The following RAB40C variants were observed in gnomAD, a reference collection of about 807,000 sequenced individuals.
RAB40C encodes ras-related protein Rab-40C.
Under a neutral mutation model 28.1 loss-of-function variants are expected in RAB40C, and 8 were observed. The ratio of observed to expected loss-of-function variants is 0.28; its 90% CI spans 0.17 to 0.51. The LOEUF (loss-of-function observed/expected upper bound fraction) is 0.51, where lower values mean the gene tolerates loss of function less well. RAB40C is among the 20% of genes least tolerant of loss of function. RAB40C has a pLI of 0.97. For synonymous variants in RAB40C, 201 were observed against 171.7 expected (o/e 1.17, Z -1.34); for missense variants, 288 against 405.9 (o/e 0.71, Z 2.50).
intron 1 of RAB40C, among the ~76,000 whole-genome samples, chr16:607,525 C>T (rs1411280640): frequency 1.4e-4 from 20 of 142,466 alleles, no homozygotes; most frequent in East Asian, 4.0e-4. Flanking sequence ...AACGGGGGGC[C>T]GGGCGCGGTG....
chr16:602,877 A>T (rs1215074971), intron 1 of RAB40C, among the ~76,000 whole-genome samples: 3 of 152,224 alleles, frequency 2.0e-5, no homozygotes, highest in African/African-American at 7.2e-5. Flanking sequence ...GCCAGAAATG[A>T]GTCTTAAAGT....
At chr16:613,101 C>G (rs1596408984) in intron 1 of RAB40C, among the ~76,000 whole-genome samples, 1 of 121,430 alleles carries the variant, frequency 8.2e-6, no homozygotes, top group Non-Finnish European at 1.7e-5. Flanking sequence ...CCTGTAGAAT[C>G]AAGAGCAAGG....
At chr16:621,799 T>A (rs1163242824) in intron 3 of RAB40C, among the ~76,000 whole-genome samples, 1 of 152,236 alleles carries the variant, frequency 6.6e-6, no homozygotes, top group Non-Finnish European at 1.5e-5. Context: ...CCAGGAAGGC[T>A]GTGGCCAAGT....
chr16:625,048 G>A, intron 3 of RAB40C: 5 of 1,294,480 alleles, frequency 3.9e-6, no homozygotes, highest in South Asian at 1.2e-5. Context: ...TCTGTCCCAG[G>A]TACTCCCGGG....
At chr16:604,240 T>A (rs1381315088) in intron 1 of RAB40C, among the ~76,000 whole-genome samples, 2 of 49,320 alleles carry the variant, frequency 4.1e-5, no homozygotes, top group African/African-American at 1.4e-4. Context: ...TCTTTTAAAT[T>A]TTTTTTTTTA....
At chr16:626,974 A>G (rs2036851739) in intron 5 of RAB40C, among the ~76,000 whole-genome samples, 1 of 152,122 alleles carries the variant, frequency 6.6e-6, no homozygotes, top group Non-Finnish European at 1.5e-5. Flanking sequence ...GCTCTAGGGA[A>G]TGAGTCAGGA....
chr16:595,664 A>G (rs894710798), intron 1 of RAB40C, among the ~76,000 whole-genome samples: 5 of 146,214 alleles, frequency 3.4e-5, no homozygotes, highest in African/African-American at 5.1e-5. Context: ...GTGCAGTGGC[A>G]CGGTCTCGGC....
Position 614,647 on chromosome 16 carries a change from C to T in RAB40C, c.143-2561C>T, listed in dbSNP as rs971137848. ...GTGAACTGCTAACTCTGCCGTATCCCGATGGTGAACTGCCAAACTTTACCT... is the reference window on the plus strand; with the variant it reads ...GTGAACTGCTAACTCTGCCGTATCCTGATGGTGAACTGCCAAACTTTACCT... On this transcript the variant is annotated intron_variant, in intron 1 of 5. Transcript: ENST00000248139. 9.9e-5 allele frequency among the ~76,000 whole-genome samples: 15 copies of T among 151,252 alleles called. No homozygotes were observed. The East Asian group carries it at 1.4e-3, about 14-fold the overall frequency.
intron 1 of RAB40C, among the ~76,000 whole-genome samples, chr16:614,335 T>G (rs998770241): frequency 1.0e-4 from 10 of 96,162 alleles, no homozygotes; most frequent in Middle Eastern, 5.6e-3. Context: ...AACTGCTAAC[T>G]CTGCCGCATC....
At position 590,442 on chromosome 16, in the gene RAB40C, C is replaced by A; in HGVS notation, c.142+9C>A. On this transcript the variant is annotated intron_variant, in intron 1 of 5. Coordinates refer to ENST00000248139, the MANE Select transcript of RAB40C (RefSeq NM_021168.5). ...GTACGCCTACAGTAACGGTAAGGCCCGGCCCGCGGCGCGCGCTGCTACGCG... is the reference window on the plus strand; with the variant it reads ...GTACGCCTACAGTAACGGTAAGGCCAGGCCCGCGGCGCGCGCTGCTACGCG... The A allele has an allele frequency of 1.3e-6, 2 of 1,568,768 alleles. No individual in the cohort carries two copies. The highest frequency in any genetic ancestry group is 1.8e-5 in the Admixed American group (1 of 54,478).
At chr16:594,267 C>T (rs1033594871) in intron 1 of RAB40C, among the ~76,000 whole-genome samples, 6 of 152,322 alleles carry the variant, frequency 3.9e-5, no homozygotes, top group African/African-American at 9.6e-5. Flanking sequence ...TCTCTCTGCT[C>T]TTTTGGGGTT....
chr16:619,714 A>G (rs1166527923), intron 3 of RAB40C, among the ~76,000 whole-genome samples: 1 of 151,984 alleles, frequency 6.6e-6, no homozygotes, highest in Admixed American at 6.5e-5. Context: ...TTCTTGGGGG[A>G]AGGTTCAGGT....
intron 3 of RAB40C, among the ~76,000 whole-genome samples, chr16:622,809 C>T (rs866161033): frequency 7.2e-5 from 11 of 152,192 alleles, no homozygotes; most frequent in Non-Finnish European, 1.3e-4. Flanking sequence ...TGGCCGAAGT[C>T]GCTAGTTTTT....
intron 3 of RAB40C, among the ~76,000 whole-genome samples, chr16:623,552 A>T (rs1195259625): frequency 6.6e-6 from 1 of 151,280 alleles, no homozygotes; most frequent in African/African-American, 2.4e-5. Flanking sequence ...TACTCAGGAG[A>T]CTGAGGCAGG....
chr16:615,259 C>T (rs1444737104), intron 1 of RAB40C, among the ~76,000 whole-genome samples: 2 of 152,088 alleles, frequency 1.3e-5, no homozygotes, highest in African/African-American at 4.8e-5. Flanking sequence ...GTTGGTCAGG[C>T]AGAAGGACGG....
At chr16:620,328 G>C (rs2036684747) in intron 3 of RAB40C, among the ~76,000 whole-genome samples, 1 of 151,812 alleles carries the variant, frequency 6.6e-6, no homozygotes, top group Admixed American at 6.5e-5. Flanking sequence ...AGGAGGTGGA[G>C]GTTGCAGTGA....
chr16:598,561 CAAAAAAAAAA>C (rs938034632), intron 1 of RAB40C, among the ~76,000 whole-genome samples: 3 of 54,950 alleles, frequency 5.5e-5, no homozygotes, highest in African/African-American at 2.1e-4. Context: ...CTCTGTCTCA[CAAAAAAAAAA>C]AAAAAAAAAG....
intron 1 of RAB40C, among the ~76,000 whole-genome samples, chr16:602,918 A>G (rs1204901573): frequency 6.6e-6 from 1 of 152,198 alleles, no homozygotes; most frequent in Admixed American, 6.5e-5. Flanking sequence ...AGCCACACTA[A>G]GCTGGATTTG....
At chr16:624,508 A>G (rs2036785533) in intron 3 of RAB40C, 2 of 985,366 alleles carry the variant, frequency 2.0e-6, no homozygotes, top group South Asian at 4.7e-5. Context: ...TGTTCTAAAC[A>G]GGACCTGGGG....
Sources: allele counts gnomAD v4.1 joint callset (sites outside exome capture counted in the v4.1 genomes callset), GRCh38; gene constraint gnomAD v4.1.1; transcripts MANE v1.5; gene names NCBI Gene and HGNC (gene_info 2026-07-23, HGNC 2026-07-21).